UBR3: variants seen among roughly 807,000 people sequenced by gnomAD.
The protein encoded by UBR3 is ubiquitin protein ligase E3 component n-recognin 3, also known as E3 ubiquitin-protein ligase UBR3.
UBR3 carries 85 observed loss-of-function variants against 243.2 expected under a neutral mutation model. The observed-to-expected ratio is 0.35, with a 90% CI of 0.29 to 0.42. The LOEUF is 0.42. Ranked by LOEUF, UBR3 falls within the 10% of genes least tolerant of loss-of-function variation. The pLI, the probability that UBR3 is intolerant of heterozygous loss-of-function variation, is 1.00. For synonymous variants in UBR3, 748 were observed against 799.8 expected (o/e 0.94, Z 1.09); for missense variants, 1,686 against 2,300.8 (o/e 0.73, Z 5.47).
At chr2:169,980,134 C>T (rs2088651398) in intron 24 of UBR3, among the ~76,000 whole-genome samples, 1 of 152,066 alleles carries the variant, frequency 6.6e-6, no homozygotes, top group South Asian at 2.1e-4. Flanking sequence ...ATTCTGAAAC[C>T]ACTATACGTA....
At chr2:169,845,857 T>C (rs1574031804) in intron 1 of UBR3, among the ~76,000 whole-genome samples, 1 of 152,246 alleles carries the variant, frequency 6.6e-6, no homozygotes, top group East Asian at 1.9e-4. Context: ...ATGCTAGGAG[T>C]ACAGGTGTGA....
intron 26 of UBR3, among the ~76,000 whole-genome samples, chr2:169,997,291 C>G (rs979595001): frequency 7.9e-5 from 12 of 152,134 alleles, no homozygotes; most frequent in African/African-American, 2.9e-4. Context: ...TCAACTCGCT[C>G]CCCAGCCTGG....
chr2:169,876,936 T>C (rs73972641), intron 3 of UBR3, among the ~76,000 whole-genome samples: 3 of 152,344 alleles, frequency 2.0e-5, no homozygotes, highest in African/African-American at 4.8e-5. Flanking sequence ...ATCATGTCTA[T>C]GTTTTCACTT....
At position 170,081,892 on chromosome 2, in the gene UBR3, T is replaced by C; in HGVS notation, c.*49T>C. ...TATCATCATTTTCGCTACGAATTTA[T>C]TTTTCAACAATAAGCTTTAACTTAA... On this transcript the variant is annotated 3_prime_UTR_variant, in exon 39 of 39. Coordinates refer to ENST00000272793, the MANE Select transcript of UBR3 (RefSeq NM_172070.4). 7.7e-7 allele frequency: 1 copy of C among 1,295,992 alleles called. No homozygotes were observed. Among genetic ancestry groups the C allele is most frequent in the Non-Finnish European group, 1.1e-6 (1 of 949,626 alleles). The allele number at this position is 1,295,992 out of a possible 1,614,324, so 80.3% of individuals were successfully genotyped here. A position where few individuals can be genotyped will look rare whatever the true frequency, so the allele number is the denominator to read the frequency against.
At chr2:169,876,084 C>CTTTTTT (rs547614070) in intron 3 of UBR3, 135 bp downstream of exon 3, 2 of 418,438 alleles carry the variant, frequency 4.8e-6, no homozygotes, top group Non-Finnish European at 7.2e-6. Context: ...AAGAGAACTT[C>CTTTTTT]TTTTTTTTTT....
intron 24 of UBR3, among the ~76,000 whole-genome samples, chr2:169,967,270 C>T (rs951807683): frequency 3.5e-5 from 5 of 142,784 alleles, no homozygotes; most frequent in African/African-American, 1.0e-4. Flanking sequence ...CCCCCGCCCC[C>T]CCCCACACAC....
intron 24 of UBR3, among the ~76,000 whole-genome samples, chr2:169,959,076 C>T (rs527727263): frequency 6.6e-6 from 1 of 152,090 alleles, no homozygotes; most frequent in Non-Finnish European, 1.5e-5. Flanking sequence ...GTATTCCCTT[C>T]CCTGACTATT....
chr2:169,999,073 G>A (rs570467476), intron 26 of UBR3, among the ~76,000 whole-genome samples: 1 of 152,282 alleles, frequency 6.6e-6, no homozygotes, highest in African/African-American at 2.4e-5. Flanking sequence ...AAACTCAAAT[G>A]TCTAAAAGTT....
chr2:169,862,318 T>C (rs180961585), intron 1 of UBR3, among the ~76,000 whole-genome samples: 12 of 152,342 alleles, frequency 7.9e-5, no homozygotes, highest in Admixed American at 2.0e-4. Context: ...CTAACAGTTT[T>C]AGACATGGGA....
At chr2:170,055,660 T>A (rs1334447751) in intron 33 of UBR3, 76 bp downstream of exon 33, 2 of 1,540,838 alleles carry the variant, frequency 1.3e-6, no homozygotes, top group Non-Finnish European at 1.8e-6. Flanking sequence ...TGAATAAGAG[T>A]AGGTGTTACA....
chr2:169,912,814 T>C (rs1217763228), intron 10 of UBR3, among the ~76,000 whole-genome samples: 5 of 152,136 alleles, frequency 3.3e-5, no homozygotes, highest in Non-Finnish European at 7.3e-5. Flanking sequence ...AGGGTCTCAC[T>C]GTGTTGCCCA....
chr2:169,912,735 T>G (rs2085301146), intron 10 of UBR3, among the ~76,000 whole-genome samples: 1 of 152,174 alleles, frequency 6.6e-6, no homozygotes, highest in African/African-American at 2.4e-5. Context: ...ATGGAATTGC[T>G]TGGTCTTATG....
intron 35 of UBR3, among the ~76,000 whole-genome samples, chr2:170,068,967 C>T (rs2091639627): frequency 6.6e-6 from 1 of 152,098 alleles, no homozygotes; most frequent in South Asian, 2.1e-4. Flanking sequence ...AGTTATCAAA[C>T]TTATATAATT....
chr2:169,907,573 C>T (rs182234319), intron 10 of UBR3, among the ~76,000 whole-genome samples: 21 of 151,968 alleles, frequency 1.4e-4, no homozygotes, highest in Admixed American at 7.2e-4. Flanking sequence ...TTTCGTGTTT[C>T]TAGACCCTTT....
Position 169,986,759 on chromosome 2 carries a change from C to G in UBR3, c.3749C>G (p.Pro1250Arg). 1 of 1,613,908 alleles carries G rather than the reference C, an allele frequency of 6.2e-7. No homozygotes were observed. Among genetic ancestry groups the G allele is most frequent in the East Asian group, 2.2e-5 (1 of 44,886 alleles). The change falls in exon 25 of 39, where the codon CCT becomes CGT. Residue 1250 changes from proline to arginine, a missense_variant. Coordinates refer to ENST00000272793, the MANE Select transcript of UBR3 (RefSeq NM_172070.4). ...GQSGPSSEDR[P>R]TGLVVLLQAS... ...AGTGGCCCCTCCTCTGAAGATCGAC[C>G]TACTGGATTAGTTGTACTGTTACAA...
intron 11 of UBR3, among the ~76,000 whole-genome samples, 179 bp downstream of exon 11, chr2:169,914,325 T>C (rs2085369157): frequency 6.6e-6 from 1 of 152,214 alleles, no homozygotes; most frequent in Non-Finnish European, 1.5e-5. Context: ...GTTCTTTAGT[T>C]CTTTGACATT....
At chr2:169,836,061 ATATATATTT>A (rs2082096931) in intron 1 of UBR3, among the ~76,000 whole-genome samples, 8 of 33,990 alleles carry the variant, frequency 2.4e-4, no homozygotes, top group Admixed American at 5.8e-4. Context: ...ATATATATAT[ATATATATTT>A]TTTTTTTTTT....
At chr2:169,884,787 A>T (rs193059753) in intron 5 of UBR3, among the ~76,000 whole-genome samples, 2 of 152,202 alleles carry the variant, frequency 1.3e-5, no homozygotes, top group African/African-American at 4.8e-5. Context: ...AACCCCTTTA[A>T]AAATGAATAT....
intron 25 of UBR3, among the ~76,000 whole-genome samples, chr2:169,994,071 C>CCCAT (rs2089395124): frequency 6.6e-6 from 1 of 152,096 alleles, no homozygotes. Context: ...GATTTAGGAA[C>CCCAT]CCATCCATCC....
Sources: allele counts gnomAD v4.1 joint callset (sites outside exome capture counted in the v4.1 genomes callset), GRCh38; gene constraint gnomAD v4.1.1; transcripts MANE v1.5; gene names NCBI Gene and HGNC (gene_info 2026-07-23, HGNC 2026-07-21).